MYO9A: variants seen among roughly 807,000 people sequenced by gnomAD.
MYO9A encodes unconventional myosin-IXa.
MYO9A carries 103 observed loss-of-function variants against 293.3 expected under a neutral mutation model. That is an observed-to-expected ratio of 0.35 (90% confidence interval 0.30 to 0.41). The LOEUF is 0.41. Among genes scored for constraint, MYO9A ranks in the 10% least tolerant of loss-of-function variants. The pLI, the probability that MYO9A is intolerant of heterozygous loss-of-function variation, is 1.00. For missense variants in MYO9A, 2,685 were observed against 3,033.0 expected (o/e 0.89, Z 2.69); for synonymous variants, 1,001 against 1,035.7 (o/e 0.97, Z 0.64).
intron 39 of MYO9A, among the ~76,000 whole-genome samples, chr15:71,830,540 TA>T (rs1171358929): frequency 6.6e-6 from 1 of 152,234 alleles, no homozygotes; most frequent in Non-Finnish European, 1.5e-5. Flanking sequence ...GGTGGGAGTG[TA>T]AGAACCCATT....
At chr15:71,877,286 A>T (rs1175169481) in intron 31 of MYO9A, among the ~76,000 whole-genome samples, 1 of 152,232 alleles carries the variant, frequency 6.6e-6, no homozygotes, top group Non-Finnish European at 1.5e-5. Context: ...TCAGGCCGTA[A>T]CAGGCACTCA....
chr15:71,889,648 A>C (rs1418678636), intron 26 of MYO9A: 1 of 151,756 alleles, frequency 6.6e-6, no homozygotes, highest in Non-Finnish European at 1.5e-5. Flanking sequence ...TGTGCAAATA[A>C]ATTGAAAAGT....
Position 71,880,318 on chromosome 15 carries a change from T to C in MYO9A, c.5622+17A>G. On this transcript the variant is annotated intron_variant, in intron 29 of 41. Coordinates refer to ENST00000356056, the MANE Select transcript of MYO9A (RefSeq NM_006901.4). ...CACAGAGCTGCTCCAGGGCCTGACG[T>C]GGCAAATAAAGTGTACCTTTTTCAG... The C allele has an allele frequency of 1.2e-6, 2 of 1,610,412 alleles. No individual in the cohort carries two copies. Among genetic ancestry groups the C allele is most frequent in the Non-Finnish European group, 1.7e-6 (2 of 1,176,706 alleles).
intron 13 of MYO9A, among the ~76,000 whole-genome samples, chr15:71,964,865 G>GA (rs1031182100): frequency 2.0e-5 from 3 of 151,834 alleles, no homozygotes; most frequent in African/African-American, 7.3e-5. Flanking sequence ...TGAGGAACGA[G>GA]AATTGCTTGA....
At chr15:71,974,094 G>A (rs1474434189) in intron 12 of MYO9A, among the ~76,000 whole-genome samples, 1 of 151,844 alleles carries the variant, frequency 6.6e-6, no homozygotes, top group Admixed American at 6.6e-5. Flanking sequence ...TGCTCAGAGT[G>A]CCATTTAAAA....
intron 6 of MYO9A, 92 bp downstream of exon 6, chr15:72,018,947 C>A: frequency 1.1e-6 from 1 of 952,104 alleles, no homozygotes; most frequent in Non-Finnish European, 1.7e-6. Context: ...TGTATTTCAG[C>A]TGATTTGCAT....
At chr15:71,831,952 G>C (rs1434127205) in intron 39 of MYO9A, among the ~76,000 whole-genome samples, 1 of 152,172 alleles carries the variant, frequency 6.6e-6, no homozygotes, top group Admixed American at 6.5e-5. Flanking sequence ...CAAGCAGGAA[G>C]AAACAAAAGA....
intron 1 of MYO9A, among the ~76,000 whole-genome samples, chr15:72,065,048 T>C (rs921795904): frequency 2.0e-5 from 3 of 152,142 alleles, no homozygotes; most frequent in Non-Finnish European, 4.4e-5. Flanking sequence ...TGTTCTAACT[T>C]AAAACAAAGA....
intron 1 of MYO9A, among the ~76,000 whole-genome samples, chr15:72,101,052 G>A (rs1477280610): frequency 7.8e-5 from 11 of 141,578 alleles, no homozygotes; most frequent in African/African-American, 2.3e-4. Flanking sequence ...CAGCCGCCCC[G>A]TCAGGGAGGG....
At chr15:72,041,139 G>T in intron 2 of MYO9A, 2 of 709,354 alleles carry the variant, frequency 2.8e-6, no homozygotes, top group Non-Finnish European at 4.9e-6. Flanking sequence ...CACCTATTTG[G>T]GAGGCTGAGG....
intron 1 of MYO9A, among the ~76,000 whole-genome samples, chr15:72,089,371 A>G (rs1229406650): frequency 1.3e-5 from 2 of 151,996 alleles, no homozygotes; most frequent in African/African-American, 4.8e-5. Flanking sequence ...TATGTTGCCC[A>G]GGCTGGTCTT....
chr15:71,887,414 A>G (rs999352320), intron 27 of MYO9A, among the ~76,000 whole-genome samples: 1 of 152,142 alleles, frequency 6.6e-6, no homozygotes, highest in Non-Finnish European at 1.5e-5. Flanking sequence ...GCAGGATATA[A>G]ATTTGAAAGG....
At chr15:72,067,882 T>TA (rs769331845) in intron 1 of MYO9A, among the ~76,000 whole-genome samples, 193 of 151,668 alleles carry the variant, frequency 1.3e-3, no homozygotes, top group Non-Finnish European at 1.7e-3. Flanking sequence ...TTTAAGGCTA[T>TA]AAAAAAAAAT....
At position 71,823,692 on chromosome 15, in the gene MYO9A, A is replaced by G. The variant is rs2054358043; in HGVS notation, c.*2888T>C. On this transcript the variant is annotated 3_prime_UTR_variant, in exon 42 of 42. Transcript: ENST00000356056. ...CCATAATAAGTACATACTAAATTAC[A>G]GGGATACATTCACTTTAATGGGCAG... 6.6e-6 allele frequency: 1 copy of G among 152,246 alleles called. No homozygotes were observed. The highest frequency in any genetic ancestry group is 2.4e-5 in the African/African-American group (1 of 41,468). 9.4% of individuals were successfully genotyped at this position (152,246 alleles called of 1,614,324 possible). A position where few individuals can be genotyped will look rare whatever the true frequency, so the allele number is the denominator to read the frequency against.
rs555662657 is a variant in MYO9A at position 71,901,480 on chromosome 15, C to G, written c.3001-140G>C. On this transcript the variant is annotated intron_variant, in intron 22 of 41. Transcript: ENST00000356056. ...TGTAAATGAAGTACTGATAAATATT[C>G]CTACAGATTTATCCAAAGTAGTCAT... is the stretch of plus-strand genomic sequence containing the variant. The G allele has an allele frequency of 2.5e-5, 21 of 848,450 alleles. No individual in the cohort carries two copies. In the South Asian group the frequency reaches 3.5e-4, roughly 14 times the overall value. The allele number at this position is 848,450 out of a possible 1,614,324, so 52.6% of individuals were successfully genotyped here.
At chr15:72,091,238 T>C (rs2079898926) in intron 1 of MYO9A, among the ~76,000 whole-genome samples, 1 of 151,974 alleles carries the variant, frequency 6.6e-6, no homozygotes, top group African/African-American at 2.4e-5. Flanking sequence ...ATTTTAATCA[T>C]TGATACAAAT....
intron 18 of MYO9A, 146 bp downstream of exon 18, chr15:71,933,524 T>C: frequency 1.4e-6 from 1 of 733,358 alleles, no homozygotes; most frequent in East Asian, 2.6e-5. Flanking sequence ...GTGTTATTTC[T>C]AAAATGGATT....
intron 6 of MYO9A, among the ~76,000 whole-genome samples, chr15:72,012,750 C>A (rs929364221): frequency 2.0e-5 from 3 of 152,174 alleles, no homozygotes; most frequent in African/African-American, 7.2e-5. Context: ...AGTGGCAAGG[C>A]AGGGGGAATC....
intron 21 of MYO9A, among the ~76,000 whole-genome samples, chr15:71,903,727 C>A (rs1596151321): frequency 6.6e-6 from 1 of 152,172 alleles, no homozygotes; most frequent in African/African-American, 2.4e-5. Context: ...GTACTGGATT[C>A]TATTACAATA....
Sources: allele counts gnomAD v4.1 joint callset (sites outside exome capture counted in the v4.1 genomes callset), GRCh38; gene constraint gnomAD v4.1.1; transcripts MANE v1.5; gene names NCBI Gene and HGNC (gene_info 2026-07-23, HGNC 2026-07-21).